Variants in LATS1 observed in about 807,000 individuals in gnomAD.
LATS1 encodes the protein large tumor suppressor kinase 1, also known as serine/threonine-protein kinase LATS1.
LATS1 carries 25 observed loss-of-function variants against 106.6 expected under a neutral mutation model. The observed-to-expected ratio is 0.23, with a 90% CI of 0.17 to 0.33. The LOEUF (loss-of-function observed/expected upper bound fraction) is 0.33. LATS1 is among the 10% of genes least tolerant of loss of function. The probability of loss-of-function intolerance (pLI) is 1.00; values close to 1 mark genes in which losing one functional copy is unlikely to be tolerated. For synonymous variants in LATS1, 465 were observed against 455.6 expected (o/e 1.02, Z -0.26); for missense variants, 1,040 against 1,382.6 (o/e 0.75, Z 3.93).
intron 7 of LATS1, among the ~76,000 whole-genome samples, chr6:149,672,244 C>G (rs1172130670): frequency 6.7e-6 from 1 of 150,302 alleles, no homozygotes; most frequent in Admixed American, 6.6e-5. Context: ...GAGTCTCGCT[C>G]TGTCACCCAG....
chr6:149,699,836 A>G (rs1238642730), intron 2 of LATS1, among the ~76,000 whole-genome samples: 1 of 152,224 alleles, frequency 6.6e-6, no homozygotes, highest in African/African-American at 2.4e-5. Context: ...AATACATATT[A>G]CTGGGTGACT....
At chr6:149,662,807 A>G (rs1780942291) in intron 7 of LATS1, among the ~76,000 whole-genome samples, 1 of 151,820 alleles carries the variant, frequency 6.6e-6, no homozygotes, top group Non-Finnish European at 1.5e-5. Context: ...CTACAAAAAA[A>G]CTTTAAAAAT....
At chr6:149,707,262 C>T (rs1382492602) in intron 1 of LATS1, among the ~76,000 whole-genome samples, 1 of 152,052 alleles carries the variant, frequency 6.6e-6, no homozygotes, top group Non-Finnish European at 1.5e-5. Flanking sequence ...GATCTGCCCG[C>T]CTTGGCCTCC....
At chr6:149,664,250 A>T (rs918143171) in intron 7 of LATS1, among the ~76,000 whole-genome samples, 2 of 152,142 alleles carry the variant, frequency 1.3e-5, no homozygotes, top group African/African-American at 4.8e-5. Context: ...GAGAGAAAAC[A>T]TGTAGAATAA....
At chr6:149,663,507 A>G (rs1357244187) in intron 7 of LATS1, among the ~76,000 whole-genome samples, 1 of 152,174 alleles carries the variant, frequency 6.6e-6, no homozygotes, top group Non-Finnish European at 1.5e-5. Flanking sequence ...AACTTGTTGC[A>G]TGGTAGGCAG....
At chr6:149,695,956 G>A (rs1783039280) in intron 2 of LATS1, among the ~76,000 whole-genome samples, 1 of 151,464 alleles carries the variant, frequency 6.6e-6, no homozygotes, top group African/African-American at 2.4e-5. Flanking sequence ...TCAAGTTGGA[G>A]TGCAATGGTG....
Position 149,658,199 on chromosome 6 carries a change from G to C in LATS1, c.*3530C>G, listed in dbSNP as rs1037736804. On this transcript the variant is annotated 3_prime_UTR_variant, in exon 8 of 8. Coordinates refer to ENST00000543571, the MANE Select transcript of LATS1 (RefSeq NM_004690.4). ...TATTATCCCAGCAAACATTACACTA[G>C]AGAAAATGATTGGGAAAATACAAAT... is the stretch of plus-strand genomic sequence containing the variant. 2 of 152,046 alleles carry C rather than the reference G, an allele frequency of 1.3e-5. No individual in the cohort carries two copies. The highest frequency in any genetic ancestry group is 2.9e-5 in the Non-Finnish European group (2 of 67,984). 9.4% of individuals were successfully genotyped at this position (152,046 alleles called of 1,614,324 possible). A position where few individuals can be genotyped will look rare whatever the true frequency, so the allele number is the denominator to read the frequency against.
chr6:149,704,793 TA>T (rs1783657956), intron 1 of LATS1, among the ~76,000 whole-genome samples: 1 of 151,910 alleles, frequency 6.6e-6, no homozygotes, highest in Non-Finnish European at 1.5e-5. Context: ...CTAGCCTGAG[TA>T]AACTTTATAG....
chr6:149,702,175 G>A lies in LATS1; in HGVS notation c.-49C>T. On this transcript the variant is annotated 5_prime_UTR_variant, in exon 2 of 8. Transcript: ENST00000543571. ...ACACGAAGGACTTCTTTATTTGATA[G>A]ATCCAGAGCTTTCTTCTGAGCAAAA... is the stretch of plus-strand genomic sequence containing the variant. 1 of 1,243,034 alleles carries A rather than the reference G, an allele frequency of 8.0e-7. No homozygotes were observed. The highest frequency in any genetic ancestry group is 1.1e-6 in the Non-Finnish European group (1 of 882,190). The allele number at this position is 1,243,034 out of a possible 1,614,324, so 77.0% of individuals were successfully genotyped here. A position where few individuals can be genotyped will look rare whatever the true frequency, so the allele number is the denominator to read the frequency against.
rs1329522915 is a variant in LATS1 at position 149,683,520 on chromosome 6, T to G, written c.1569A>C (p.Pro523=). ...AAGGACTGGGTTGAACAGTTTGAAT[T>G]GGCTGTGGTATCCAAGAAGGGTGTG... The part of the protein sequence containing the change: ...APTHPSWIPQ[P]IQTVQPSPFP... Residue 523 remains proline (P), a synonymous_variant, in exon 4 of 8, where the codon CCA becomes CCC. Coordinates refer to ENST00000543571, the MANE Select transcript of LATS1 (RefSeq NM_004690.4). 1 of 1,614,238 alleles carries G rather than the reference T, an allele frequency of 6.2e-7. No individual in the cohort carries two copies.
intron 7 of LATS1, among the ~76,000 whole-genome samples, chr6:149,674,320 C>G (rs1781597141): frequency 6.6e-6 from 1 of 151,900 alleles, no homozygotes; most frequent in Non-Finnish European, 1.5e-5. Context: ...GGTGATCCAC[C>G]TGCCTTGGCC....
chr6:149,683,974 G>A lies in LATS1; in HGVS notation c.1115C>T (p.Pro372Leu), dbSNP rs1171175297. 3.1e-6 allele frequency: 5 copies of A among 1,614,204 alleles called. No individual in the cohort carries two copies. Among genetic ancestry groups the A allele is most frequent in the South Asian group, 1.1e-5 (1 of 91,088 alleles). The change falls in exon 4 of 8, where the codon CCA (proline) becomes CTA (leucine). Residue 372 changes from proline to leucine, a missense_variant. Physicochemically the swap from Pro to Leu is moderately conservative, Grantham distance 98. Around this residue, in one of 7 missense-constraint regions of LATS1, gnomAD observed 624 missense variants for 714.8 expected, o/e 0.87. Coordinates refer to ENST00000543571, the MANE Select transcript of LATS1 (RefSeq NM_004690.4). ...VVPAGTVNRQ[P>L]PPPYPLTAAN... ...TGCTGTCAGAGGATATGGAGGTGGT[G>A]GCTGCCGATTCACAGTGCCAGCAGG...
chr6:149,661,785 C>T lies in LATS1; in HGVS notation c.3337G>A (p.Glu1113Lys), dbSNP rs1357303862. The change falls in exon 8 of 8, where the codon GAA becomes AAA. Residue 1113 changes from glutamate to lysine, a missense_variant. Physicochemically the swap from Glu to Lys is moderately conservative, Grantham distance 56 (BLOSUM62 1). Transcript: ENST00000543571. Reference sequence around the variant, plus strand: ...TCTGAGCCTGTGTTTTGATCATCTTCATCCGACTGCTGCTCTGAGCCTTGT... The same window carrying T: ...TCTGAGCCTGTGTTTTGATCATCTTTATCCGACTGCTGCTCTGAGCCTTGT... ...NSQGSEQQSD[E>K]DDQNTGSEIK... 1.2e-6 allele frequency: 2 copies of T among 1,602,264 alleles called. No individual in the cohort carries two copies. Among genetic ancestry groups the T allele is most frequent in the East Asian group, 2.2e-5 (1 of 44,784 alleles).
At chr6:149,695,046 T>C (rs750067408) in intron 3 of LATS1, 28 bp downstream of exon 3, 2 of 1,551,372 alleles carry the variant, frequency 1.3e-6, no homozygotes, top group Non-Finnish European at 8.7e-7. Context: ...AAAGAAGAGA[T>C]GAGAAAATAA....
At chr6:149,708,110 C>A (rs1014199940) in intron 1 of LATS1, among the ~76,000 whole-genome samples, 1 of 152,148 alleles carries the variant, frequency 6.6e-6, no homozygotes, top group African/African-American at 2.4e-5. Flanking sequence ...ACACAGGATT[C>A]ATTTTAAAGA....
chr6:149,671,118 GT>G (rs1010499372), intron 7 of LATS1, among the ~76,000 whole-genome samples: 3 of 123,266 alleles, frequency 2.4e-5, no homozygotes, highest in Non-Finnish European at 3.3e-5. Context: ...AGGTTCAGTT[GT>G]TTTTTTGTTT....
chr6:149,692,302 A>C (rs1056063727), intron 3 of LATS1, among the ~76,000 whole-genome samples: 2 of 152,164 alleles, frequency 1.3e-5, no homozygotes, highest in African/African-American at 4.8e-5. Context: ...AGAATCTGCC[A>C]AAGCAGCCAT....
chr6:149,661,609 T>C lies in LATS1; in HGVS notation c.*120A>G, dbSNP rs1338266939. The C allele has an allele frequency of 2.8e-6, 2 of 723,870 alleles. No individual in the cohort carries two copies. Among genetic ancestry groups the C allele is most frequent in the East Asian group, 2.7e-5 (1 of 37,168 alleles). 44.8% of individuals were successfully genotyped at this position (723,870 alleles called of 1,614,324 possible). A position where few individuals can be genotyped will look rare whatever the true frequency, so the allele number is the denominator to read the frequency against. On this transcript the variant is annotated 3_prime_UTR_variant, in exon 8 of 8. Transcript: ENST00000543571. The stretch of plus-strand genomic sequence containing the variant: ...CCCATAATTTAGGAAAATAAAATAT[T>C]GTACACAGAGCACACATATATAGCT...
chr6:149,667,805 T>C (rs1339889341), intron 7 of LATS1, among the ~76,000 whole-genome samples: 1 of 152,202 alleles, frequency 6.6e-6, no homozygotes, highest in Admixed American at 6.5e-5. Flanking sequence ...AGAAACATAA[T>C]GCATTATTTG....
Sources: gnomAD v4.1 joint callset for allele counts (sites outside exome capture counted in the v4.1 genomes callset) on GRCh38, gnomAD v4.1.1 for gene constraint, gnomAD v4.1.1 regional missense constraint, MANE v1.5 for transcripts, NCBI Gene and HGNC (gene_info 2026-07-23, HGNC 2026-07-21) for gene names.